Variants in LEPR observed in about 807,000 individuals in gnomAD.
LEPR encodes OB receptor.
LEPR carries 56 observed loss-of-function variants against 114.7 expected under a neutral mutation model. The ratio of observed to expected loss-of-function variants is 0.49; its 90% CI spans 0.39 to 0.61. The LOEUF (loss-of-function observed/expected upper bound fraction) is 0.61, where lower values mean the gene tolerates loss of function less well. Among genes scored for constraint, LEPR ranks in the 20% least tolerant of loss-of-function variants. The pLI is 0.00. For missense variants in LEPR, 1,202 were observed against 1,352.9 expected, an observed-to-expected ratio of 0.89 and a Z score of 1.75; for synonymous variants, 443 against 461.4, an observed-to-expected ratio of 0.96 and a Z score of 0.51.
chr1:65,472,234 A>G (rs1055083839), intron 2 of LEPR, among the ~76,000 whole-genome samples: 1 of 152,112 alleles, frequency 6.6e-6, no homozygotes, highest in Non-Finnish European at 1.5e-5. Flanking sequence ...CACTAATGTC[A>G]TGCTAGAGTG....
rs1009157597 is a variant in LEPR, at chr1:65,633,047, A to G, written c.2674-3144A>G. 8 of 902,832 alleles carry G rather than the reference A, an allele frequency of 8.9e-6. No homozygotes were observed. The highest frequency in any genetic ancestry group is 7.8e-5 in the East Asian group (3 of 38,228). 55.9% of individuals were successfully genotyped at this position (902,832 alleles called of 1,614,324 possible). On this transcript the variant is annotated intron_variant, in intron 19 of 19. Coordinates refer to ENST00000349533, the MANE Select transcript of LEPR (RefSeq NM_002303.6). The surrounding 1 kb of genome is among the most constrained non-coding windows in gnomAD (Gnocchi z 4.1). ...ATTGTAACCTAACACAAAAATTTATAGTCCAGAACCCATGCTTGACAATGT... is the reference window on the plus strand; with the variant it reads ...ATTGTAACCTAACACAAAAATTTATGGTCCAGAACCCATGCTTGACAATGT...
Position 65,420,726 on chromosome 1 carries a change from T to A in LEPR, c.-111T>A. The A allele has an allele frequency of 6.3e-7, 1 of 1,583,910 alleles. No homozygotes were observed. Among genetic ancestry groups the A allele is most frequent in the East Asian group, 2.3e-5 (1 of 43,430 alleles). On this transcript the variant is annotated 5_prime_UTR_variant, in exon 1 of 20. An upstream start codon of the reference 5' UTR is lost. Transcript: ENST00000349533. ...AGCCGCGGCCCCAGTTCGGGAGACA[T>A]GGCGGGCGTTAAAGGTACATCGCGG...
intron 2 of LEPR, among the ~76,000 whole-genome samples, chr1:65,448,311 G>C (rs2100311302): frequency 6.6e-6 from 1 of 152,222 alleles, no homozygotes; most frequent in East Asian, 1.9e-4. Flanking sequence ...TGTTGATGTA[G>C]TGAATTTTAC....
chr1:65,458,457 G>A (rs1646905561), intron 2 of LEPR, among the ~76,000 whole-genome samples: 1 of 152,088 alleles, frequency 6.6e-6, no homozygotes, highest in African/African-American at 2.4e-5. Context: ...ATTCTAAATT[G>A]GTGATTTATT....
At chr1:65,523,066 C>A (rs1380716733) in intron 2 of LEPR, among the ~76,000 whole-genome samples, 1 of 152,072 alleles carries the variant, frequency 6.6e-6, no homozygotes, top group Non-Finnish European at 1.5e-5. Flanking sequence ...GTCTCCTAGC[C>A]TAGAATGTAA....
chr1:65,462,083 C>T, intron 2 of LEPR, among the ~76,000 whole-genome samples: 1 of 152,142 alleles, frequency 6.6e-6, no homozygotes, highest in East Asian at 1.9e-4. Context: ...TGTTGTTTTG[C>T]TGCACCCATC....
intron 2 of LEPR, among the ~76,000 whole-genome samples, chr1:65,549,936 T>G (rs1306708003): frequency 1.3e-5 from 2 of 152,164 alleles, no homozygotes; most frequent in African/African-American, 4.8e-5. Flanking sequence ...TTCCCCATCT[T>G]TGTGGTTTTA....
chr1:65,578,791 A>T (rs1429835894), intron 5 of LEPR, among the ~76,000 whole-genome samples: 1 of 151,720 alleles, frequency 6.6e-6, no homozygotes, highest in Admixed American at 6.6e-5. Flanking sequence ...ATATATAGAA[A>T]CACACACACA....
At chr1:65,572,489 G>GT (rs753796511) in intron 5 of LEPR, 40 bp downstream of exon 5, 4 of 1,547,532 alleles carry the variant, frequency 2.6e-6, no homozygotes, top group African/African-American at 1.4e-5. Flanking sequence ...CTAATACACA[G>GT]TTTTTTTAAA....
chr1:65,424,553 C>T (rs36072366), intron 1 of LEPR, among the ~76,000 whole-genome samples: 89,902 of 151,768 alleles, frequency 0.59, 26,845 homozygotes, highest in East Asian at 0.86. Context: ...TTTATGATTT[C>T]AAGGTGGCAG....
chr1:65,629,666 TCTCC>T (rs1273391321), intron 19 of LEPR, among the ~76,000 whole-genome samples: 4 of 151,540 alleles, frequency 2.6e-5, no homozygotes, highest in Non-Finnish European at 5.9e-5. Flanking sequence ...TTCATCCCTC[TCTCC>T]CTCCCTCTCT....
At chr1:65,488,745 C>T (rs1189980472) in intron 2 of LEPR, among the ~76,000 whole-genome samples, 2 of 151,482 alleles carry the variant, frequency 1.3e-5, no homozygotes, top group African/African-American at 4.9e-5. Context: ...TACTCATTTC[C>T]CCACCCCCTA....
intron 2 of LEPR, among the ~76,000 whole-genome samples, chr1:65,496,538 C>T (rs1648168270): frequency 6.6e-6 from 1 of 152,054 alleles, no homozygotes; most frequent in Non-Finnish European, 1.5e-5. Context: ...CCACTGCATT[C>T]CAGCCTTGGC....
intron 15 of LEPR, 95 bp downstream of exon 15, chr1:65,616,319 A>G: frequency 7.8e-7 from 1 of 1,275,698 alleles, no homozygotes; most frequent in Non-Finnish European, 1.1e-6. Flanking sequence ...GCAGCCTGCA[A>G]TTCTCTGCAT....
intron 2 of LEPR, among the ~76,000 whole-genome samples, chr1:65,535,839 G>A (rs906995513): frequency 3.9e-5 from 6 of 152,092 alleles, no homozygotes; most frequent in African/African-American, 1.4e-4. Flanking sequence ...ACTGACCAGA[G>A]GTTCTGTGGG....
At chr1:65,518,901 C>CTTTCTTTCT (rs1553160623) in intron 2 of LEPR, among the ~76,000 whole-genome samples, 4 of 93,920 alleles carry the variant, frequency 4.3e-5, no homozygotes, top group African/African-American at 1.5e-4. Context: ...TTCTTTCTTT[C>CTTTCTTTCT]TTTCTTTCTT....
Position 65,636,200 on chromosome 1 carries a change from T to A in LEPR, c.2683T>A (p.Phe895Ile). 6.2e-7 allele frequency: 1 copy of A among 1,613,764 alleles called. No homozygotes were observed. The highest frequency in any genetic ancestry group is 8.5e-7 in the Non-Finnish European group (1 of 1,179,768). Residue 895 changes from phenylalanine to isoleucine, a missense_variant, in exon 20 of 20, where the codon TTT becomes ATT. Transcript: ENST00000349533. ...QGLNFQKPET[F>I]EHLFIKHTAS... ...GTGTCTTTTCTTTTAGCCAGAAACG[T>A]TTGAGCATCTTTTTATCAAGCATAC...
intron 2 of LEPR, chr1:65,434,810 T>C (rs2100247786): frequency 2.0e-6 from 2 of 985,584 alleles, no homozygotes; most frequent in South Asian, 9.4e-5. Context: ...CCTGAGGTTC[T>C]TCATATTCCA....
At chr1:65,434,917 A>G in intron 2 of LEPR, 1 of 985,450 alleles carries the variant, frequency 1.0e-6, no homozygotes, top group Non-Finnish European at 1.2e-6. Flanking sequence ...CATCACAGAA[A>G]GAATGCCTTG....
Sources: allele counts gnomAD v4.1 joint callset (sites outside exome capture counted in the v4.1 genomes callset), GRCh38; gene constraint gnomAD v4.1.1; non-coding constraint Gnocchi (gnomAD v3.1); transcripts MANE v1.5; gene names NCBI Gene and HGNC (gene_info 2026-07-23, HGNC 2026-07-21).